The following DLGAP2 variants were observed in gnomAD, a reference collection of about 807,000 sequenced individuals.
The protein encoded by DLGAP2 is DLG associated protein 2.
DLGAP2 carries 26 observed loss-of-function variants against 100.3 expected under a neutral mutation model. The ratio of observed to expected loss-of-function variants is 0.26; its 90% CI spans 0.19 to 0.36. DLGAP2 has a LOEUF of 0.36. Ranked by LOEUF, DLGAP2 falls within the 10% of genes least tolerant of loss-of-function variation. The pLI is 1.00. For synonymous variants in DLGAP2, 886 were observed against 630.1 expected (o/e 1.41, Z -6.08); for missense variants, 1,858 against 1,453.2 (o/e 1.28, Z -4.53).
intron 1 of DLGAP2, among the ~76,000 whole-genome samples, chr8:901,379 C>T (rs1798247740): frequency 6.6e-6 from 1 of 152,172 alleles, no homozygotes; most frequent in South Asian, 2.1e-4. Context: ...GAATTTCTTC[C>T]AAAGAAAGTT....
At chr8:1,185,674 C>T (rs1237164680) in intron 2 of DLGAP2, among the ~76,000 whole-genome samples, 1 of 151,810 alleles carries the variant, frequency 6.6e-6, no homozygotes, top group African/African-American at 2.4e-5. Flanking sequence ...AGTGGAAGAA[C>T]AATGTAAACT....
intron 2 of DLGAP2, among the ~76,000 whole-genome samples, chr8:968,728 C>T (rs188963211): frequency 7.2e-5 from 11 of 152,248 alleles, no homozygotes; most frequent in African/African-American, 2.6e-4. Context: ...CCTGTGTCAG[C>T]GAGTGACAGG....
In DLGAP2 at chr8:1,111,561, G is replaced by A. The variant is rs533801321; in HGVS notation, c.74-147290G>A. Among the ~76,000 whole-genome samples, 23 of 152,130 alleles carry A rather than the reference G, an allele frequency of 1.5e-4. No homozygotes were observed. In the South Asian group the frequency reaches 4.8e-3, roughly 32 times the overall value. The stretch of plus-strand genomic sequence containing the variant: ...CATGGTCCCCTCCCCGCTCCCATAT[G>A]CCACCCTCCGATAGACCCCAGAGTG... On this transcript the variant is annotated intron_variant, in intron 2 of 14. Transcript: ENST00000637795.
intron 3 of DLGAP2, among the ~76,000 whole-genome samples, chr8:1,383,217 T>G (rs1406655133): frequency 4.6e-5 from 7 of 152,208 alleles, no homozygotes; most frequent in Non-Finnish European, 1.5e-5. Flanking sequence ...GGGATTTTTA[T>G]TTTGAAAAAA....
At chr8:1,444,262 T>A (rs537295257) in intron 3 of DLGAP2, among the ~76,000 whole-genome samples, 1 of 152,314 alleles carries the variant, frequency 6.6e-6, no homozygotes, top group East Asian at 1.9e-4. Context: ...AATATCATCG[T>A]CTTCAATACT....
At position 1,411,279 on chromosome 8, in the gene DLGAP2, C is replaced by T. The variant is rs115618188; in HGVS notation, c.107-90087C>T. 2.0e-3 allele frequency among the ~76,000 whole-genome samples: 307 copies of T among 152,248 alleles called. 4 individuals carry two copies. Among genetic ancestry groups the T allele is most frequent in the African/African-American group, 7.1e-3 (293 of 41,536 alleles). ...GTGCAATGCATAGCTACATTATATA[C>T]TATAATAAGTCAAAGAAAACAGAGT... On this transcript the variant is annotated intron_variant, in intron 3 of 14. Transcript: ENST00000637795.
At chr8:1,237,571 C>T (rs2116849971) in intron 2 of DLGAP2, among the ~76,000 whole-genome samples, 1 of 146,436 alleles carries the variant, frequency 6.8e-6, no homozygotes, top group Non-Finnish European at 1.5e-5. Flanking sequence ...CTAGTTCTCT[C>T]ACATGGCACC....
chr8:1,252,514 T>C (rs1163420017), intron 2 of DLGAP2, among the ~76,000 whole-genome samples: 2 of 152,262 alleles, frequency 1.3e-5, no homozygotes, highest in Non-Finnish European at 2.9e-5. Context: ...CATCACCATG[T>C]TACACGGTGG....
chr8:818,953 A>G (rs1275185953), intron 1 of DLGAP2, among the ~76,000 whole-genome samples: 1 of 152,220 alleles, frequency 6.6e-6, no homozygotes, highest in Non-Finnish European at 1.5e-5. Context: ...AAATTTTCAT[A>G]GATGTCTTTT....
rs535852239 is a variant in DLGAP2, at chr8:815,680, A to T, written c.18+77855A>T. Among the ~76,000 whole-genome samples, 5 of 152,342 alleles carry T rather than the reference A, an allele frequency of 3.3e-5. No individual in the cohort carries two copies. In the East Asian group the frequency reaches 9.7e-4, roughly 29 times the overall value. On this transcript the variant is annotated intron_variant, in intron 1 of 14. Transcript: ENST00000637795. ...ACAATAATACTAGAAGAAGATATTT[A>T]TTGAATGTCTTGAATTCTATCCCTA...
chr8:804,606 A>T (rs1796231273), intron 1 of DLGAP2, among the ~76,000 whole-genome samples: 1 of 152,226 alleles, frequency 6.6e-6, no homozygotes, highest in Admixed American at 6.5e-5. Context: ...AGCTGCCTGT[A>T]CTTTACCAGA....
At chr8:1,408,100 A>C (rs1049670058) in intron 3 of DLGAP2, among the ~76,000 whole-genome samples, 2 of 152,240 alleles carry the variant, frequency 1.3e-5, no homozygotes, top group Non-Finnish European at 2.9e-5. Flanking sequence ...TCCTGAGAAC[A>C]GCTGGTCTTC....
chr8:1,501,033 T>A (rs1386901175), intron 3 of DLGAP2, among the ~76,000 whole-genome samples: 1 of 152,146 alleles, frequency 6.6e-6, no homozygotes, highest in Non-Finnish European at 1.5e-5. Context: ...GGACTGATTT[T>A]ACTCAAGTCT....
chr8:1,371,989 C>T (rs1802248891), intron 3 of DLGAP2, among the ~76,000 whole-genome samples: 2 of 152,356 alleles, frequency 1.3e-5, no homozygotes, highest in Non-Finnish European at 2.9e-5. Context: ...ATAGACTTGG[C>T]ATTTCAATGC....
intron 3 of DLGAP2, among the ~76,000 whole-genome samples, chr8:1,495,574 C>T (rs1009500049): frequency 3.3e-5 from 5 of 152,172 alleles, no homozygotes; most frequent in South Asian, 4.1e-4. Context: ...ACAGTGTGCT[C>T]GGGTCACAGT....
intron 2 of DLGAP2, among the ~76,000 whole-genome samples, chr8:1,076,383 G>T (rs536432081): frequency 1.3e-5 from 2 of 152,200 alleles, no homozygotes; most frequent in East Asian, 3.9e-4. Flanking sequence ...CCCCGTCTCC[G>T]AGCCTCAGTT....
intron 1 of DLGAP2, among the ~76,000 whole-genome samples, chr8:807,156 A>G (rs1156356795): frequency 6.6e-6 from 1 of 152,248 alleles, no homozygotes; most frequent in Non-Finnish European, 1.5e-5. Flanking sequence ...TGGTGGCACG[A>G]CATTTCATCT....
chr8:1,054,386 T>G (rs1238468522), intron 2 of DLGAP2, among the ~76,000 whole-genome samples: 2 of 152,170 alleles, frequency 1.3e-5, no homozygotes, highest in Admixed American at 6.5e-5. Context: ...ATTAAATGGC[T>G]TGGACTTTAC....
At chr8:1,008,134 C>T (rs887328224) in intron 2 of DLGAP2, among the ~76,000 whole-genome samples, 13 of 152,080 alleles carry the variant, frequency 8.5e-5, no homozygotes, top group Non-Finnish European at 1.5e-5. Context: ...ATCTACCTTC[C>T]CATTTGGACA....
Sources: gnomAD v4.1 joint callset for allele counts (sites outside exome capture counted in the v4.1 genomes callset) on GRCh38, gnomAD v4.1.1 for gene constraint, MANE v1.5 for transcripts, NCBI Gene and HGNC (gene_info 2026-07-23, HGNC 2026-07-21) for gene names.